Variants in UBA6 observed in about 807,000 individuals in gnomAD.
The protein encoded by UBA6 is ubiquitin like modifier activating enzyme 6.
A neutral mutation model predicts 148.3 loss-of-function variants in UBA6; 87 were observed. The ratio of observed to expected loss-of-function variants is 0.59; its 90% CI spans 0.49 to 0.70. The LOEUF is 0.70. Among genes scored for constraint, UBA6 ranks in the 30% least tolerant of loss-of-function variants. UBA6 has a pLI of 0.00. For missense variants in UBA6, 1,186 were observed against 1,241.2 expected, an observed-to-expected ratio of 0.96 and a Z score of 0.67; for synonymous variants, 376 against 401.0, an observed-to-expected ratio of 0.94 and a Z score of 0.75.
intron 6 of UBA6, among the ~76,000 whole-genome samples, chr4:67,676,010 T>C (rs1168404426): frequency 6.6e-6 from 1 of 151,038 alleles, no homozygotes; most frequent in Non-Finnish European, 1.5e-5. Flanking sequence ...ATGGCCATTA[T>C]AGTACTACCT....
chr4:67,675,648 T>C (rs1333560112), intron 6 of UBA6, among the ~76,000 whole-genome samples: 1 of 151,888 alleles, frequency 6.6e-6, no homozygotes, highest in Non-Finnish European at 1.5e-5. Context: ...GGAGAATCAC[T>C]TGAACCCAGG....
chr4:67,644,361 T>C (rs982607885), intron 17 of UBA6, among the ~76,000 whole-genome samples: 3 of 152,238 alleles, frequency 2.0e-5, no homozygotes, highest in Non-Finnish European at 2.9e-5. Context: ...ATAAACACTA[T>C]CTAACAGAAA....
At chr4:67,632,120 T>C (rs1729013288) in intron 23 of UBA6, among the ~76,000 whole-genome samples, 1 of 152,212 alleles carries the variant, frequency 6.6e-6, no homozygotes, top group South Asian at 2.1e-4. Context: ...AAAATTCAAA[T>C]ATCATTTTCT....
intron 16 of UBA6, among the ~76,000 whole-genome samples, chr4:67,645,704 G>C (rs533534171): frequency 6.6e-6 from 1 of 151,724 alleles, no homozygotes; most frequent in Non-Finnish European, 1.5e-5. Flanking sequence ...TTTAATTTTT[G>C]AAATTATCAT....
At chr4:67,690,953 T>C (rs924478564) in intron 2 of UBA6, among the ~76,000 whole-genome samples, 38 of 152,152 alleles carry the variant, frequency 2.5e-4, no homozygotes, top group African/African-American at 8.7e-4. Context: ...GGGTTATTTC[T>C]CCAAAAGAAT....
At chr4:67,696,514 T>C (rs548268210) in intron 2 of UBA6, 131 bp downstream of exon 2, 184 of 606,164 alleles carry the variant, frequency 3.0e-4, no homozygotes, top group Admixed American at 9.8e-4. Context: ...CATACATATA[T>C]ACATACACAC....
In UBA6 at chr4:67,615,150, G is replaced by A. The variant is rs565409243; in HGVS notation, c.*3847C>T. On this transcript the variant is annotated 3_prime_UTR_variant, in exon 33 of 33. Coordinates refer to ENST00000322244, the MANE Select transcript of UBA6 (RefSeq NM_018227.6). ...TCCCCAGTGTTGGAGGTGAGGGCTG[G>A]TGGGAGGTGTTCGGGTTATGGGGAT... 2 of 152,246 alleles carry A rather than the reference G, an allele frequency of 1.3e-5. No individual in the cohort carries two copies. Among genetic ancestry groups the A allele is most frequent in the African/African-American group, 4.8e-5 (2 of 41,454 alleles). The allele number at this position is 152,246 out of a possible 1,614,324, so 9.4% of individuals were successfully genotyped here.
At chr4:67,675,592 G>A (rs1026808516) in intron 6 of UBA6, among the ~76,000 whole-genome samples, 2 of 151,994 alleles carry the variant, frequency 1.3e-5, no homozygotes, top group Non-Finnish European at 2.9e-5. Flanking sequence ...TTAGCAGGGC[G>A]TGGTGGCACG....
intron 17 of UBA6, among the ~76,000 whole-genome samples, chr4:67,642,267 C>T (rs934457526): frequency 1.3e-4 from 20 of 151,910 alleles, no homozygotes; most frequent in Non-Finnish European, 2.5e-4. Flanking sequence ...AAGCTAAGTG[C>T]CTAATGTTAT....
chr4:67,699,267 T>G (rs1000995393), intron 1 of UBA6, among the ~76,000 whole-genome samples: 2 of 152,182 alleles, frequency 1.3e-5, no homozygotes, highest in African/African-American at 4.8e-5. Context: ...GAAGCTCTAG[T>G]TGTCAATTAA....
In UBA6 at chr4:67,649,203, T is replaced by G; in HGVS notation, c.1113A>C (p.Val371=). ...AGAGCCAATGCACAATGTCAGCATT[T>G]ACATCAGGCTAAAACAAAAGCCATA... The part of the protein sequence containing the change: ...ISETLEEKPD[V]NADIVHWLSW... Residue 371 remains valine, a synonymous_variant, in exon 14 of 33, where the codon GTA becomes GTC. Transcript: ENST00000322244. 1 of 1,608,026 alleles carries G rather than the reference T, an allele frequency of 6.2e-7. No homozygotes were observed. Among genetic ancestry groups the G allele is most frequent in the Admixed American group, 1.7e-5 (1 of 58,922 alleles).
At chr4:67,679,346 A>G (rs1181062184) in intron 4 of UBA6, among the ~76,000 whole-genome samples, 1 of 152,162 alleles carries the variant, frequency 6.6e-6, no homozygotes, top group African/African-American at 2.4e-5. Context: ...TTACCTGAAA[A>G]TACTTTGTTT....
intron 14 of UBA6, 143 bp from the exon 15 acceptor site, chr4:67,646,934 T>C (rs1272398892): frequency 8.5e-6 from 2 of 234,658 alleles, no homozygotes; most frequent in Non-Finnish European, 1.6e-5. Context: ...AAAATATAAT[T>C]AAAAATATAT....
In UBA6 at chr4:67,616,337, G is replaced by T. The variant is rs1728625963; in HGVS notation, c.*2660C>A. The stretch of plus-strand genomic sequence containing the variant: ...TTTTTTTTCCCTAAAAATTTCAAAA[G>T]AACAATTTTCTATCTTCATTTTACT... On this transcript the variant is annotated 3_prime_UTR_variant, in exon 33 of 33. Coordinates refer to ENST00000322244, the MANE Select transcript of UBA6 (RefSeq NM_018227.6). The T allele has an allele frequency of 2.7e-6, 1 of 374,032 alleles. No homozygotes were observed. The highest frequency in any genetic ancestry group is 4.7e-6 in the Non-Finnish European group (1 of 211,070). 23.2% of individuals were successfully genotyped at this position (374,032 alleles called of 1,614,324 possible). A position where few individuals can be genotyped will look rare whatever the true frequency, so the allele number is the denominator to read the frequency against.
At chr4:67,685,504 T>A (rs1730535533) in intron 2 of UBA6, among the ~76,000 whole-genome samples, 1 of 152,172 alleles carries the variant, frequency 6.6e-6, no homozygotes. Context: ...AAGTTCAGAT[T>A]TTTTTTACTA....
At chr4:67,619,711 A>C (rs745936337) in intron 32 of UBA6, among the ~76,000 whole-genome samples, 3 of 152,248 alleles carry the variant, frequency 2.0e-5, no homozygotes, top group Non-Finnish European at 4.4e-5. Context: ...TAAAAAAGCA[A>C]GCTAGAATTT....
intron 32 of UBA6, 117 bp downstream of exon 32, chr4:67,622,714 T>A (rs1728778000): frequency 1.4e-6 from 1 of 710,906 alleles, no homozygotes; most frequent in East Asian, 2.9e-5. Flanking sequence ...ATTAATGTCA[T>A]TAGACAAGAC....
chr4:67,670,903 A>G (rs1730132291), intron 7 of UBA6, among the ~76,000 whole-genome samples: 1 of 152,216 alleles, frequency 6.6e-6, no homozygotes, highest in Non-Finnish European at 1.5e-5. Context: ...CAAGCACAAC[A>G]TAAAAGAAAT....
intron 13 of UBA6, among the ~76,000 whole-genome samples, chr4:67,651,732 CA>C (rs202149732): frequency 0.012 from 1,880 of 151,862 alleles, 38 homozygotes; most frequent in African/African-American, 0.041. Context: ...ATGGAGCTGG[CA>C]AAAGGACAGA....
Sources: allele counts gnomAD v4.1 joint callset (sites outside exome capture counted in the v4.1 genomes callset), GRCh38; gene constraint gnomAD v4.1.1; transcripts MANE v1.5; gene names NCBI Gene and HGNC (gene_info 2026-07-23, HGNC 2026-07-21).